SRC: variants seen among roughly 807,000 people sequenced by gnomAD.
SRC encodes the protein proto-oncogene tyrosine-protein kinase Src.
Under a neutral mutation model 62.9 loss-of-function variants are expected in SRC, and 13 were observed. The ratio of observed to expected loss-of-function variants is 0.21; its 90% confidence interval spans 0.13 to 0.33. The LOEUF is 0.33. SRC is among the 10% of genes least tolerant of loss of function. The pLI is 1.00. For missense variants in SRC, 457 were observed against 737.3 expected (o/e 0.62, Z 4.40); for synonymous variants, 302 against 317.5 (o/e 0.95, Z 0.52).
rs183946612 is a variant in SRC at position 37,351,930 on chromosome 20, G to T, written c.-247+5675G>T. Among the ~76,000 whole-genome samples, 1 of 152,352 alleles carries T rather than the reference G, an allele frequency of 6.6e-6. No individual in the cohort carries two copies. Among genetic ancestry groups the T allele is most frequent in the Non-Finnish European group, 1.5e-5 (1 of 68,038 alleles). On this transcript the variant is annotated intron_variant, in intron 1 of 13. Transcript: ENST00000373578. The surrounding 1 kb of genome is among the most constrained non-coding windows in gnomAD (Gnocchi z 4.4). ...AAAACTTTTCCCAGGTATAGGAGGG[G>T]TGCGGTGCTGGGGGCAGGTGACCCT...
At position 37,390,127 on chromosome 20, in the gene SRC, C is replaced by T. The variant is rs78835600; in HGVS notation, c.351-3768C>T. ...TCAGTTTACTCTGAGCCCAGCATGA[C>T]GCTCACTGTTTACACACTTTGCCTG... On this transcript the variant is annotated intron_variant, in intron 5 of 13. Coordinates refer to ENST00000373578, the MANE Select transcript of SRC (RefSeq NM_198291.3). Among the ~76,000 whole-genome samples the T allele has an allele frequency of 2.9e-4, 44 of 152,260 alleles. No homozygotes were observed. In the East Asian group the frequency reaches 3.7e-3, roughly 13 times the overall value.
At chr20:37,388,525 C>T (rs547034321) in intron 5 of SRC, among the ~76,000 whole-genome samples, 13 of 152,324 alleles carry the variant, frequency 8.5e-5, no homozygotes, top group Admixed American at 3.9e-4. Flanking sequence ...GCAGGAGGAT[C>T]GCTTGAACCC....
Position 37,400,104 on chromosome 20 carries a change from C to G in SRC, c.860-11C>G, listed in dbSNP as rs760371970. The G allele has an allele frequency of 2.0e-5, 32 of 1,591,686 alleles. No homozygotes were observed. Among genetic ancestry groups the G allele is most frequent in the Non-Finnish European group, 2.6e-5 (30 of 1,167,068 alleles). ...GGCTCCACTGAGTCAGCCTGCATCC[C>G]TCCTCAACAGGGACCTGGAACGGTA... On this transcript the variant is annotated splice_polypyrimidine_tract_variant and intron_variant, in intron 9 of 13. Transcript: ENST00000373578.
At chr20:37,361,320 G>A (rs888543734) in intron 1 of SRC, among the ~76,000 whole-genome samples, 6 of 152,098 alleles carry the variant, frequency 3.9e-5, no homozygotes, top group African/African-American at 1.4e-4. Flanking sequence ...AGCCTGTCTC[G>A]GATGCCCTCT....
At chr20:37,368,963 C>G (rs967178446) in intron 2 of SRC, among the ~76,000 whole-genome samples, 15 of 152,110 alleles carry the variant, frequency 9.9e-5, no homozygotes, top group African/African-American at 3.6e-4. Context: ...AGCTTCTTCT[C>G]CCTTGAATTG....
In SRC at chr20:37,403,251, C is replaced by T; in HGVS notation, c.1483C>T (p.His495Tyr). 2 of 1,591,008 alleles carry T rather than the reference C, an allele frequency of 1.3e-6. No individual in the cohort carries two copies. Reference sequence around the variant, plus strand: ...CCCGCCGGAGTGTCCCGAGTCCCTGCACGACCTCATGTGCCAGTGCTGGCG... The same window carrying T: ...CCCGCCGGAGTGTCCCGAGTCCCTGTACGACCTCATGTGCCAGTGCTGGCG... ...PCPPECPESL[H>Y]DLMCQCWRKE... The change falls in exon 14 of 14, where the codon CAC becomes TAC. Residue 495 changes from histidine to tyrosine, a missense_variant. Coordinates refer to ENST00000373578, the MANE Select transcript of SRC (RefSeq NM_198291.3). This position sits in a 1 kb window ranked among gnomAD's most constrained non-coding sequence, Gnocchi z 7.1.
Position 37,404,737 on chromosome 20 carries a change from G to A in SRC, c.*1358G>A. 4.3e-6 allele frequency: 1 copy of A among 233,392 alleles called. No individual in the cohort carries two copies. Among genetic ancestry groups the A allele is most frequent in the East Asian group, 6.0e-5 (1 of 16,594 alleles). The allele number at this position is 233,392 out of a possible 1,614,324, so 14.5% of individuals were successfully genotyped here. A position where few individuals can be genotyped will look rare whatever the true frequency, so the allele number is the denominator to read the frequency against. On this transcript the variant is annotated 3_prime_UTR_variant, in exon 14 of 14. Coordinates refer to ENST00000373578, the MANE Select transcript of SRC (RefSeq NM_198291.3). ...GGCCCTGTGGCAGGACACACATGGT[G>A]AGCCTAGCCCTGGGACATCAGGAGA...
At chr20:37,387,571 C>T (rs1426938287) in intron 5 of SRC, among the ~76,000 whole-genome samples, 2 of 152,032 alleles carry the variant, frequency 1.3e-5, no homozygotes, top group Non-Finnish European at 2.9e-5. Flanking sequence ...GGAGGGGGGG[C>T]TCTCCCGGCT....
chr20:37,347,812 G>A (rs76583649), intron 1 of SRC, among the ~76,000 whole-genome samples: 11,672 of 152,206 alleles, frequency 0.077, 594 homozygotes, highest in Non-Finnish European at 0.11. Flanking sequence ...ACTTGACCAA[G>A]GCCCTATAGT....
At chr20:37,383,749 T>C (rs1296214301) in intron 3 of SRC, 3 of 166,180 alleles carry the variant, frequency 1.8e-5, no homozygotes, top group South Asian at 3.0e-4. Flanking sequence ...CTTTTTTTTT[T>C]GAGACAGAGT....
In SRC at chr20:37,402,927, C is replaced by T. The variant is rs745686660; in HGVS notation, c.1402+47C>T. On this transcript the variant is annotated intron_variant, in intron 13 of 13. Coordinates refer to ENST00000373578, the MANE Select transcript of SRC (RefSeq NM_198291.3). The surrounding 1 kb of genome is among the most constrained non-coding windows in gnomAD (Gnocchi z 6.2). ...GTCTGTGGTCCCTGAATCCCTCTGC[C>T]CTGGTGGCCTTGGGCAAGTCATGAC... 4.9e-5 allele frequency: 78 copies of T among 1,580,974 alleles called. No individual in the cohort carries two copies. In the Admixed American group the frequency reaches 7.9e-4, roughly 16 times the overall value.
At chr20:37,345,728 G>A (rs900305164), upstream of SRC, among the ~76,000 whole-genome samples, 12 of 152,168 alleles carry the variant, frequency 7.9e-5, no homozygotes, top group African/African-American at 1.9e-4. Flanking sequence ...TTAGCATGGC[G>A]CCTGGCCCAG....
intron 1 of SRC, among the ~76,000 whole-genome samples, chr20:37,364,362 T>A (rs1433882737): frequency 6.6e-6 from 1 of 152,114 alleles, no homozygotes; most frequent in Non-Finnish European, 1.5e-5. Flanking sequence ...TTCACTGAGC[T>A]CGTAAGCATG....
chr20:37,386,066 T>G lies in SRC; in HGVS notation c.251-9T>G. On this transcript the variant is annotated splice_polypyrimidine_tract_variant and intron_variant, in intron 4 of 13. Transcript: ENST00000373578. ...CCACTGTTCTGACACACCCCACCCC[T>G]CTCTGCAGGTGGAGTGACCACCTTT... 6.2e-7 allele frequency: 1 copy of G among 1,607,014 alleles called. No homozygotes were observed. The highest frequency in any genetic ancestry group is 1.7e-4 in the Middle Eastern group (1 of 6,040).
Position 37,397,761 on chromosome 20 carries a change from C to G in SRC, c.766C>G (p.Gln256Glu), listed in dbSNP as rs2147107713. The change falls in exon 9 of 14, where the codon CAG becomes GAG. Residue 256 changes from glutamine (Q) to glutamate (E), a missense_variant. Gln to Glu is a conservative substitution (Grantham distance 29). Coordinates refer to ENST00000373578, the MANE Select transcript of SRC (RefSeq NM_198291.3). The surrounding 1 kb of genome is among the most constrained non-coding windows in gnomAD (Gnocchi z 4.1). ...GTGCCCCACGTCCAAGCCGCAGACT[C>G]AGGGCCTGGCCAAGGATGCCTGGGA... ...TVCPTSKPQT[Q>E]GLAKDAWEIP... is the part of the protein sequence containing the mutation. 3 of 1,612,056 alleles carry G rather than the reference C, an allele frequency of 1.9e-6. No individual in the cohort carries two copies. The highest frequency in any genetic ancestry group is 2.5e-6 in the Non-Finnish European group (3 of 1,179,452).
chr20:37,370,032 T>C (rs1471300936), intron 2 of SRC, among the ~76,000 whole-genome samples: 3 of 152,188 alleles, frequency 2.0e-5, no homozygotes, highest in Non-Finnish European at 4.4e-5. Context: ...ACTCCTGACC[T>C]CAGGTGATCC....
Position 37,394,010 on chromosome 20 carries a change from G to GCTGCCTCTACCCGTCGTCC in SRC, c.449+21_449+39dup. On this transcript the variant is annotated intron_variant, in intron 6 of 13. Transcript: ENST00000373578. ...GGCTGAGGAGTGAGTACCGTCTCTGGCTGCCTCTACCCGTCGTCCCTGGAC... is the reference window on the plus strand; with the variant it reads ...GGCTGAGGAGTGAGTACCGTCTCTGGCTGCCTCTACCCGTCGTCCCTGCCTCTACCCGTCGTCCCTGGAC... 5 of 1,611,026 alleles carry GCTGCCTCTACCCGTCGTCC rather than the reference G, an allele frequency of 3.1e-6. No homozygotes were observed. Among genetic ancestry groups the GCTGCCTCTACCCGTCGTCC allele is most frequent in the Non-Finnish European group, 4.2e-6 (5 of 1,177,568 alleles).
rs568526513 is a variant in SRC at position 37,397,883 on chromosome 20, G to A, written c.859+29G>A. On this transcript the variant is annotated intron_variant, in intron 9 of 13. Transcript: ENST00000373578. The surrounding 1 kb of genome is among the most constrained non-coding windows in gnomAD (Gnocchi z 4.1). ...AGGCCTGGCCCCTGCCCTCGGGAGA[G>A]GCATCCACCCCCCACCCCGTGTGGC... 3 of 1,591,800 alleles carry A rather than the reference G, an allele frequency of 1.9e-6. No homozygotes were observed. Among genetic ancestry groups the A allele is most frequent in the Non-Finnish European group, 2.6e-6 (3 of 1,171,224 alleles).
chr20:37,402,852 C>T lies in SRC; in HGVS notation c.1374C>T (p.Leu458=). The T allele has an allele frequency of 6.2e-7, 1 of 1,614,146 alleles. No individual in the cohort carries two copies. Among genetic ancestry groups the T allele is most frequent in the Non-Finnish European group, 8.5e-7 (1 of 1,180,026 alleles). The part of the protein sequence containing the change: ...VWSFGILLTE[L]TTKGRVPYPG... ...CCTTCGGGATCCTGCTGACTGAGCT[C>T]ACCACAAAGGGACGGGTGCCCTACC... The change falls in exon 13 of 14, where the codon CTC becomes CTT. Residue 458 remains leucine, a synonymous_variant. Transcript: ENST00000373578. The surrounding 1 kb of genome is among the most constrained non-coding windows in gnomAD (Gnocchi z 6.2).
Sources: gnomAD v4.1 joint callset for allele counts (sites outside exome capture counted in the v4.1 genomes callset) on GRCh38, gnomAD v4.1.1 for gene constraint, Gnocchi (gnomAD v3.1) non-coding constraint, MANE v1.5 for transcripts, NCBI Gene and HGNC (gene_info 2026-07-23, HGNC 2026-07-21) for gene names.